The following DLG1 variants were observed in gnomAD, a reference collection of about 807,000 sequenced individuals.
DLG1 encodes the protein discs large MAGUK scaffold protein 1.
In DLG1, 42 loss-of-function variants were observed where a neutral mutation model predicts 123.4. The ratio of observed to expected loss-of-function variants is 0.34; its 90% CI spans 0.27 to 0.44. The LOEUF (loss-of-function observed/expected upper bound fraction) is 0.44, where lower values mean the gene tolerates loss of function less well. Ranked by LOEUF, DLG1 falls within the 20% of genes least tolerant of loss-of-function variation. The probability of loss-of-function intolerance (pLI) is 1.00; values close to 1 mark genes in which losing one functional copy is unlikely to be tolerated. For synonymous variants in DLG1, 317 were observed against 356.2 expected, an observed-to-expected ratio of 0.89 and a Z score of 1.24; for missense variants, 942 against 1,082.6, an observed-to-expected ratio of 0.87 and a Z score of 1.82.
intron 11 of DLG1, among the ~76,000 whole-genome samples, chr3:197,120,626 G>A (rs906581095): frequency 6.6e-6 from 1 of 152,194 alleles, no homozygotes; most frequent in African/African-American, 2.4e-5. Flanking sequence ...GAGGGAAGCA[G>A]CATACTACGC....
chr3:197,297,624 C>A, intron 1 of DLG1: 1 of 1,003,402 alleles, frequency 1.0e-6, no homozygotes, highest in Non-Finnish European at 1.2e-6. Flanking sequence ...TGAGAGGGGA[C>A]CAGCGGGACT....
intron 4 of DLG1, among the ~76,000 whole-genome samples, chr3:197,268,970 T>C (rs961725257): frequency 5.3e-5 from 8 of 152,150 alleles, no homozygotes; most frequent in African/African-American, 1.4e-4. Flanking sequence ...ACAGTACCAC[T>C]GAAAGGTCTT....
Position 197,060,044 on chromosome 3 carries a change from C to G in DLG1, c.2374-46G>C, listed in dbSNP as rs760363810. 27 of 1,356,618 alleles carry G rather than the reference C, an allele frequency of 2.0e-5. No individual in the cohort carries two copies. In the East Asian group the frequency reaches 5.3e-4, roughly 27 times the overall value. The allele number at this position is 1,356,618 out of a possible 1,614,324, so 84.0% of individuals were successfully genotyped here. ...AAAAAAAACAAGTGAGCCAAATATT[C>G]TCAATAATATCAAAGGTACTTTTCC... On this transcript the variant is annotated intron_variant, in intron 22 of 24. Coordinates refer to ENST00000667157, the MANE Select transcript of DLG1 (RefSeq NM_001366207.1).
chr3:197,282,595 A>G (rs1325852299), intron 4 of DLG1, 84 bp downstream of exon 4: 1 of 874,288 alleles, frequency 1.1e-6, no homozygotes, highest in East Asian at 3.1e-5. Flanking sequence ...TGTATAAAAT[A>G]TTATTTTAAT....
At chr3:197,222,626 G>A (rs552047174) in intron 4 of DLG1, among the ~76,000 whole-genome samples, 22 of 152,214 alleles carry the variant, frequency 1.4e-4, no homozygotes, top group African/African-American at 5.1e-4. Flanking sequence ...AGTCCCTGAA[G>A]CTACTTGTAT....
chr3:197,065,211 G>T, intron 22 of DLG1, 65 bp downstream of exon 22: 1 of 1,442,270 alleles, frequency 6.9e-7, no homozygotes, highest in Non-Finnish European at 9.2e-7. Context: ...TATCCTACCA[G>T]TCTTGCATAC....
chr3:197,291,824 T>C (rs1201468139), intron 3 of DLG1, among the ~76,000 whole-genome samples: 1 of 152,202 alleles, frequency 6.6e-6, no homozygotes, highest in Non-Finnish European at 1.5e-5. Context: ...CTCACAGGAT[T>C]ACAATGACTA....
intron 4 of DLG1, among the ~76,000 whole-genome samples, chr3:197,204,275 T>C (rs1191648570): frequency 6.6e-6 from 1 of 152,236 alleles, no homozygotes; most frequent in Non-Finnish European, 1.5e-5. Context: ...AACGGTTTAA[T>C]ATGAAGCTGC....
intron 4 of DLG1, among the ~76,000 whole-genome samples, chr3:197,242,012 C>T (rs1210563411): frequency 6.6e-6 from 1 of 151,958 alleles, no homozygotes; most frequent in Non-Finnish European, 1.5e-5. Context: ...AATTAAAAGG[C>T]AAAGAAAGAA....
At chr3:197,229,532 C>G (rs1388306903) in intron 4 of DLG1, among the ~76,000 whole-genome samples, 1 of 149,652 alleles carries the variant, frequency 6.7e-6, no homozygotes, top group Non-Finnish European at 1.5e-5. Context: ...AATAGAGAAG[C>G]AAATAATTTT....
intron 3 of DLG1, among the ~76,000 whole-genome samples, chr3:197,286,588 C>T (rs530674012): frequency 1.6e-4 from 25 of 152,208 alleles, no homozygotes; most frequent in East Asian, 1.2e-3. Context: ...CTGTACAATA[C>T]GGCAATAGTG....
intron 6 of DLG1, among the ~76,000 whole-genome samples, chr3:197,148,309 C>A (rs6583199): frequency 3.6e-5 from 5 of 139,868 alleles, no homozygotes; most frequent in Admixed American, 7.3e-5. Flanking sequence ...ACATGGGAGG[C>A]TGAGGTGGGA....
At chr3:197,265,590 G>C (rs891575484) in intron 4 of DLG1, among the ~76,000 whole-genome samples, 2 of 152,130 alleles carry the variant, frequency 1.3e-5, no homozygotes, top group African/African-American at 2.4e-5. Flanking sequence ...GATTAGTTTT[G>C]ATCAGTACAT....
intron 4 of DLG1, chr3:197,260,291 C>T (rs566432715): frequency 6.8e-6 from 3 of 440,962 alleles, no homozygotes; most frequent in Non-Finnish European, 1.4e-5. Flanking sequence ...CAATCCATTA[C>T]TCTACCATTA....
intron 13 of DLG1, among the ~76,000 whole-genome samples, chr3:197,110,279 C>T (rs893060898): frequency 1.3e-5 from 2 of 152,154 alleles, no homozygotes; most frequent in African/African-American, 2.4e-5. Flanking sequence ...CTGCTGTTGA[C>T]CTTGTCTAGA....
chr3:197,297,593 C>A, intron 1 of DLG1: 1 of 1,020,326 alleles, frequency 9.8e-7, no homozygotes, highest in South Asian at 3.8e-5. Context: ...GGCCCCTGAG[C>A]CAGCAGCGGC....
intron 11 of DLG1, among the ~76,000 whole-genome samples, chr3:197,129,532 T>G (rs997663016): frequency 6.6e-6 from 1 of 152,234 alleles, no homozygotes; most frequent in Admixed American, 6.5e-5. Context: ...TTATCATTAG[T>G]GTGTTCACTG....
At chr3:197,280,171 T>C (rs1768540134) in intron 4 of DLG1, among the ~76,000 whole-genome samples, 1 of 152,200 alleles carries the variant, frequency 6.6e-6, no homozygotes, top group Non-Finnish European at 1.5e-5. Flanking sequence ...GTAACTATCA[T>C]TCTACTCTTT....
intron 5 of DLG1, among the ~76,000 whole-genome samples, chr3:197,173,299 A>T (rs1805220296): frequency 6.6e-6 from 1 of 152,194 alleles, no homozygotes; most frequent in African/African-American, 2.4e-5. Flanking sequence ...GGTAGTTGAT[A>T]AAGATGATGA....
Sources: gnomAD v4.1 joint callset for allele counts (sites outside exome capture counted in the v4.1 genomes callset) on GRCh38, gnomAD v4.1.1 for gene constraint, MANE v1.5 for transcripts, NCBI Gene and HGNC (gene_info 2026-07-23, HGNC 2026-07-21) for gene names.